SLIT3: variants seen among roughly 807,000 people sequenced by gnomAD.
The protein encoded by SLIT3 is slit guidance ligand 3, also known as slit homolog 3 protein.
A neutral mutation model predicts 184.0 loss-of-function variants in SLIT3; 68 were observed. The ratio of observed to expected loss-of-function variants is 0.37; its 90% CI spans 0.30 to 0.45. The LOEUF is 0.45. Ranked by LOEUF, SLIT3 falls within the 20% of genes least tolerant of loss-of-function variation. The pLI is 1.00. For missense variants in SLIT3, 1,707 were observed against 2,026.0 expected, an observed-to-expected ratio of 0.84 and a Z score of 3.02; for synonymous variants, 831 against 828.6, an observed-to-expected ratio of 1.00 and a Z score of -0.05.
chr5:168,859,570 T>C (rs1477058824), intron 5 of SLIT3, among the ~76,000 whole-genome samples: 1 of 152,216 alleles, frequency 6.6e-6, no homozygotes, highest in Non-Finnish European at 1.5e-5. Flanking sequence ...GATTTCACGT[T>C]TGGTTTTCAA....
chr5:168,705,404 A>G (rs1433722903), intron 26 of SLIT3, among the ~76,000 whole-genome samples: 1 of 152,222 alleles, frequency 6.6e-6, no homozygotes, highest in East Asian at 1.9e-4. Flanking sequence ...TACTCAATAA[A>G]TGCTGGCTCT....
At chr5:169,035,467 G>T (rs567107975) in intron 4 of SLIT3, among the ~76,000 whole-genome samples, 2 of 152,034 alleles carry the variant, frequency 1.3e-5, no homozygotes, top group South Asian at 4.2e-4. Context: ...GGCTCACACG[G>T]TGAAACCACG....
chr5:169,283,849 T>C (rs1397678702), intron 1 of SLIT3, among the ~76,000 whole-genome samples: 1 of 152,198 alleles, frequency 6.6e-6, no homozygotes, highest in Admixed American at 6.5e-5. Flanking sequence ...AAAGACAAGG[T>C]AAATGTCTTT....
chr5:169,228,319 G>A (rs1764880113), intron 3 of SLIT3, among the ~76,000 whole-genome samples: 1 of 152,120 alleles, frequency 6.6e-6, no homozygotes, highest in African/African-American at 2.4e-5. Context: ...CTCCCCAGGG[G>A]AGGAGCTGCC....
At chr5:168,838,667 G>T (rs773087502) in intron 6 of SLIT3, among the ~76,000 whole-genome samples, 4 of 152,068 alleles carry the variant, frequency 2.6e-5, no homozygotes, top group Non-Finnish European at 4.4e-5. Context: ...CACCAACCCC[G>T]CTCTAGGAGA....
At chr5:168,872,164 A>G (rs1414161720) in intron 5 of SLIT3, among the ~76,000 whole-genome samples, 1 of 152,140 alleles carries the variant, frequency 6.6e-6, no homozygotes, top group African/African-American at 2.4e-5. Flanking sequence ...AGTATGAAAA[A>G]CCAAATAAAT....
chr5:169,114,968 G>A (rs1355529470), intron 4 of SLIT3, among the ~76,000 whole-genome samples: 1 of 152,162 alleles, frequency 6.6e-6, no homozygotes, highest in African/African-American at 2.4e-5. Flanking sequence ...GGAGGGGGAG[G>A]GCGGAAGGAG....
Position 168,666,445 on chromosome 5 carries a change from G to A in SLIT3, c.*9C>T. ...GAGTCCGAGAGGTGGCAGGCAGGCG[G>A]GCAGGGGCTTAGGAACACGCGAGGC... On this transcript the variant is annotated 3_prime_UTR_variant, in exon 36 of 36. Transcript: ENST00000519560. 6.5e-7 allele frequency: 1 copy of A among 1,543,572 alleles called. No individual in the cohort carries two copies.
intron 4 of SLIT3, among the ~76,000 whole-genome samples, chr5:169,001,676 AG>A (rs1206773744): frequency 6.6e-6 from 1 of 152,222 alleles, no homozygotes; most frequent in Non-Finnish European, 1.5e-5. Context: ...ATGAGAACCA[AG>A]GAATTAATAT....
chr5:168,881,112 G>A (rs2938773), intron 5 of SLIT3, among the ~76,000 whole-genome samples: 68 of 151,928 alleles, frequency 4.5e-4, no homozygotes, highest in African/African-American at 1.4e-3. Context: ...CTTCTTCCCC[G>A]CAAGCCCAGC....
intron 12 of SLIT3, among the ~76,000 whole-genome samples, chr5:168,781,049 C>T (rs1242286924): frequency 1.3e-5 from 2 of 152,232 alleles, no homozygotes; most frequent in Non-Finnish European, 2.9e-5. Context: ...CTGTTGGTGA[C>T]TGCACTGCTT....
At chr5:169,149,606 G>A (rs1052653406) in intron 4 of SLIT3, among the ~76,000 whole-genome samples, 2 of 152,206 alleles carry the variant, frequency 1.3e-5, no homozygotes, top group Non-Finnish European at 2.9e-5. Context: ...GAACAGTGGT[G>A]AAAGTGAAGA....
At chr5:168,815,994 TC>T (rs1453369395) in intron 8 of SLIT3, among the ~76,000 whole-genome samples, 1 of 152,226 alleles carries the variant, frequency 6.6e-6, no homozygotes, top group Non-Finnish European at 1.5e-5. Context: ...GGGACTGGCT[TC>T]CTGGAAATCA....
intron 4 of SLIT3, among the ~76,000 whole-genome samples, chr5:169,035,596 C>G (rs1033899914): frequency 2.0e-5 from 3 of 148,586 alleles, no homozygotes; most frequent in African/African-American, 7.6e-5. Flanking sequence ...TTGCAGTGAG[C>G]CAAGATCGCA....
At chr5:169,139,957 C>T (rs1761662090) in intron 4 of SLIT3, among the ~76,000 whole-genome samples, 1 of 152,208 alleles carries the variant, frequency 6.6e-6, no homozygotes, top group Non-Finnish European at 1.5e-5. Context: ...GTGCAGCTAA[C>T]ATGCCTCAGT....
intron 4 of SLIT3, among the ~76,000 whole-genome samples, chr5:169,081,367 G>T (rs1301747303): frequency 6.6e-6 from 1 of 152,184 alleles, no homozygotes; most frequent in African/African-American, 2.4e-5. Flanking sequence ...GGGCCAAATG[G>T]AACCAGAGAG....
intron 8 of SLIT3, among the ~76,000 whole-genome samples, chr5:168,809,877 C>T (rs1394191393): frequency 1.3e-5 from 2 of 152,150 alleles, no homozygotes; most frequent in Non-Finnish European, 2.9e-5. Flanking sequence ...GAGTGCCTGG[C>T]CTCTGGTAGG....
chr5:169,070,832 A>G (rs914197614), intron 4 of SLIT3, among the ~76,000 whole-genome samples: 9 of 152,026 alleles, frequency 5.9e-5, no homozygotes, highest in Admixed American at 5.9e-4. Flanking sequence ...AAAAACAAAA[A>G]CAAAAAACAA....
At chr5:169,142,333 G>T (rs549460977) in intron 4 of SLIT3, among the ~76,000 whole-genome samples, 3 of 152,172 alleles carry the variant, frequency 2.0e-5, no homozygotes, top group African/African-American at 7.2e-5. Context: ...GTAAAAACAG[G>T]GCTCTGGGTA....
Sources: allele counts gnomAD v4.1 joint callset (sites outside exome capture counted in the v4.1 genomes callset), GRCh38; gene constraint gnomAD v4.1.1; transcripts MANE v1.5; gene names NCBI Gene and HGNC (gene_info 2026-07-23, HGNC 2026-07-21).